The following SNTG1 variants were observed in gnomAD, a reference collection of about 807,000 sequenced individuals.
SNTG1 encodes gamma-1-syntrophin.
Under a neutral mutation model 74.7 loss-of-function variants are expected in SNTG1, and 39 were observed. That is an observed-to-expected ratio of 0.52 (90% CI 0.40 to 0.68). SNTG1 has a LOEUF of 0.68. Ranked by LOEUF, SNTG1 falls within the 30% of genes least tolerant of loss-of-function variation. The pLI is 0.00. For synonymous variants in SNTG1, 254 were observed against 217.1 expected, an observed-to-expected ratio of 1.17 and a Z score of -1.49; for missense variants, 685 against 609.5, an observed-to-expected ratio of 1.12 and a Z score of -1.30.
rs149715176 is a variant in SNTG1, at chr8:50,226,004, A to G, written c.-28+53369A>G. Among the ~76,000 whole-genome samples, 1,377 of 152,340 alleles carry G rather than the reference A, an allele frequency of 9.0e-3. 24 individuals are homozygous for G. The highest frequency in any genetic ancestry group is 0.032 in the African/African-American group (1,323 of 41,570). ...AGGACTAGATATGCATACATACAAC[A>G]TGATACCGATTCTTTATATTGACAA... is the stretch of plus-strand genomic sequence containing the variant. On this transcript the variant is annotated intron_variant, in intron 2 of 18. Coordinates refer to ENST00000642720, the MANE Select transcript of SNTG1 (RefSeq NM_018967.5).
chr8:50,733,425 A>G (rs966399600), intron 17 of SNTG1, among the ~76,000 whole-genome samples: 2 of 152,038 alleles, frequency 1.3e-5, no homozygotes, highest in African/African-American at 4.8e-5. Flanking sequence ...AGAATGATTT[A>G]TAGTCCTTTG....
intron 18 of SNTG1, among the ~76,000 whole-genome samples, chr8:50,755,821 ATTG>A (rs1302372931): frequency 1.3e-5 from 2 of 151,752 alleles, no homozygotes; most frequent in Non-Finnish European, 2.9e-5. Flanking sequence ...GTGGTATATT[ATTG>A]TTGTTTTAAT....
chr8:50,478,636 A>G (rs1381190660), intron 8 of SNTG1, among the ~76,000 whole-genome samples: 1 of 152,156 alleles, frequency 6.6e-6, no homozygotes, highest in Non-Finnish European at 1.5e-5. Context: ...TTCTGTGAGT[A>G]AAGTAGTGCA....
At chr8:50,615,057 C>T (rs530479458) in intron 13 of SNTG1, among the ~76,000 whole-genome samples, 2 of 151,854 alleles carry the variant, frequency 1.3e-5, no homozygotes, top group Non-Finnish European at 2.9e-5. Flanking sequence ...ATTCTCCTGC[C>T]TCAGCCTCCC....
At chr8:50,578,498 G>A (rs113068820) in intron 12 of SNTG1, among the ~76,000 whole-genome samples, 1,911 of 152,230 alleles carry the variant, frequency 0.013, 45 homozygotes, top group African/African-American at 0.042. Flanking sequence ...AAACAGGGAT[G>A]AACTGAGCTT....
chr8:50,100,138 AAAGT>A (rs1288319617), intron 1 of SNTG1, among the ~76,000 whole-genome samples: 2 of 152,098 alleles, frequency 1.3e-5, no homozygotes, highest in Admixed American at 6.6e-5. Context: ...GGAAGACATT[AAAGT>A]AAGTGAAATA....
chr8:50,097,228 C>G (rs1382711680), intron 1 of SNTG1, among the ~76,000 whole-genome samples: 1 of 151,848 alleles, frequency 6.6e-6, no homozygotes, highest in East Asian at 1.9e-4. Context: ...CCTTGGCCTC[C>G]CAAAGACTAA....
intron 18 of SNTG1, among the ~76,000 whole-genome samples, chr8:50,782,758 T>A (rs2095663470): frequency 6.6e-6 from 1 of 152,240 alleles, no homozygotes. Flanking sequence ...GGAGCTGCGT[T>A]CCTTTGGAGG....
intron 1 of SNTG1, among the ~76,000 whole-genome samples, chr8:50,089,122 C>A (rs1172266163): frequency 6.6e-6 from 1 of 151,068 alleles, no homozygotes; most frequent in Non-Finnish European, 1.5e-5. Context: ...ACTATCTGAT[C>A]TTTGACAAAC....
intron 3 of SNTG1, among the ~76,000 whole-genome samples, chr8:50,399,737 C>T (rs1202469931): frequency 6.6e-6 from 1 of 152,100 alleles, no homozygotes; most frequent in Non-Finnish European, 1.5e-5. Context: ...CTCCAATATC[C>T]TATTGTAAGC....
At chr8:50,781,891 G>T (rs539461169) in intron 18 of SNTG1, among the ~76,000 whole-genome samples, 4 of 152,204 alleles carry the variant, frequency 2.6e-5, no homozygotes, top group African/African-American at 9.6e-5. Flanking sequence ...CTCTTTTAGG[G>T]TAGGCCTGGT....
chr8:50,623,716 T>G (rs1324903808), intron 13 of SNTG1, among the ~76,000 whole-genome samples: 1 of 152,074 alleles, frequency 6.6e-6, no homozygotes, highest in South Asian at 2.1e-4. Context: ...GATTTTAAAA[T>G]CAATGTTTTT....
rs58511910 is a variant in SNTG1, at chr8:50,543,438, T to TTTGTTG, written c.680+6649_680+6654dup. ...CTGCTCCATTGGTCTATGTGTCTGT[T>TTTGTTG]TTGTTGTTGTTGTTGTTGTTGTTGC... On this transcript the variant is annotated intron_variant, in intron 11 of 18. Transcript: ENST00000642720. Among the ~76,000 whole-genome samples, 312 of 151,666 alleles carry TTTGTTG rather than the reference T, an allele frequency of 2.1e-3. 1 individual carries two copies. Among genetic ancestry groups the TTTGTTG allele is most frequent in the African/African-American group, 6.9e-3 (283 of 41,218 alleles).
intron 2 of SNTG1, among the ~76,000 whole-genome samples, chr8:50,257,350 T>G (rs957775912): frequency 9.2e-5 from 14 of 152,138 alleles, no homozygotes; most frequent in African/African-American, 3.4e-4. Context: ...TCTAGCACCC[T>G]CCTCGTAGAG....
At chr8:49,991,051 A>G (rs1813636007) in intron 1 of SNTG1, among the ~76,000 whole-genome samples, 1 of 152,320 alleles carries the variant, frequency 6.6e-6, no homozygotes, top group African/African-American at 2.4e-5. Flanking sequence ...ATCTGATGAT[A>G]GACTTGTATA....
At chr8:50,283,526 C>T (rs2088591439) in intron 2 of SNTG1, among the ~76,000 whole-genome samples, 1 of 152,138 alleles carries the variant, frequency 6.6e-6, no homozygotes, top group Admixed American at 6.6e-5. Flanking sequence ...TGGAACAAAA[C>T]TGATTTTTGT....
chr8:50,270,002 T>C lies in SNTG1; in HGVS notation c.-28+97367T>C, dbSNP rs6987449. On this transcript the variant is annotated intron_variant, in intron 2 of 18. Coordinates refer to ENST00000642720, the MANE Select transcript of SNTG1 (RefSeq NM_018967.5). ...TAATTCTTGTTTAATCCTTTCTTTATCATTCCTTATGATTGAAAATAATTT... is the reference window on the plus strand; with the variant it reads ...TAATTCTTGTTTAATCCTTTCTTTACCATTCCTTATGATTGAAAATAATTT... Among the ~76,000 whole-genome samples, 757 of 152,326 alleles carry C rather than the reference T, an allele frequency of 5.0e-3. 10 individuals are homozygous for C. Among genetic ancestry groups the C allele is most frequent in the African/African-American group, 0.017 (720 of 41,584 alleles).
At chr8:50,005,035 T>C (rs1815085105) in intron 1 of SNTG1, among the ~76,000 whole-genome samples, 1 of 152,198 alleles carries the variant, frequency 6.6e-6, no homozygotes, top group Non-Finnish European at 1.5e-5. Context: ...TTGTTGTTTC[T>C]ATAAATATAA....
At chr8:50,347,694 A>T (rs2091522211) in intron 2 of SNTG1, among the ~76,000 whole-genome samples, 1 of 152,166 alleles carries the variant, frequency 6.6e-6, no homozygotes, top group South Asian at 2.1e-4. Flanking sequence ...TTATCTTTTT[A>T]TCTCCTGAGC....
Sources: gnomAD v4.1 joint callset for allele counts (sites outside exome capture counted in the v4.1 genomes callset) on GRCh38, gnomAD v4.1.1 for gene constraint, MANE v1.5 for transcripts, NCBI Gene and HGNC (gene_info 2026-07-23, HGNC 2026-07-21) for gene names.